ROCK2: variants seen among roughly 807,000 people sequenced by gnomAD.
The protein encoded by ROCK2 is rho-associated protein kinase 2.
A neutral mutation model predicts 195.1 loss-of-function variants in ROCK2; 61 were observed. That is an observed-to-expected ratio of 0.31 (90% confidence interval 0.25 to 0.39). ROCK2 has a LOEUF of 0.39. ROCK2 is among the 10% of genes least tolerant of loss of function. The pLI is 1.00. For synonymous variants in ROCK2, 504 were observed against 545.5 expected, an observed-to-expected ratio of 0.92 and a Z score of 1.06; for missense variants, 1,109 against 1,637.4, an observed-to-expected ratio of 0.68 and a Z score of 5.57.
chr2:11,296,778 A>G (rs1200758969), intron 1 of ROCK2, among the ~76,000 whole-genome samples: 1 of 152,180 alleles, frequency 6.6e-6, no homozygotes, highest in Admixed American at 6.6e-5. Context: ...CATTTTTGAC[A>G]TCTATGCAAT....
chr2:11,272,221 A>C (rs886879069), intron 3 of ROCK2, among the ~76,000 whole-genome samples: 1 of 152,206 alleles, frequency 6.6e-6, no homozygotes, highest in Non-Finnish European at 1.5e-5. Flanking sequence ...CTGACCTGCA[A>C]GAAATGGTCA....
intron 1 of ROCK2, among the ~76,000 whole-genome samples, chr2:11,316,193 A>G (rs1273714867): frequency 3.3e-5 from 5 of 152,170 alleles, no homozygotes; most frequent in African/African-American, 1.2e-4. Flanking sequence ...ATAAATAAAT[A>G]GATATAAATA....
intron 1 of ROCK2, among the ~76,000 whole-genome samples, chr2:11,291,406 C>T (rs1477523082): frequency 2.0e-5 from 3 of 152,144 alleles, no homozygotes; most frequent in South Asian, 4.1e-4. Context: ...AAAAATTAGC[C>T]GCGCGTGGTG....
rs1294997363 is a variant in ROCK2, at chr2:11,317,602, ATATATATATATTTTT to A, written c.141+26379_141+26393del. On this transcript the variant is annotated intron_variant, in intron 1 of 32. Transcript: ENST00000315872. ...TATATATATATATATATATATATAT[ATATATATATATTTTT>A]TTTTTTTTTTAATTATACTTTAAGT... Among the ~76,000 whole-genome samples the A allele has an allele frequency of 7.9e-4, 13 of 16,506 alleles. 1 individual carries two copies. Among genetic ancestry groups the A allele is most frequent in the African/African-American group, 2.4e-3 (13 of 5,314 alleles). The allele number at this position is 16,506 out of a possible 152,430, so 10.8% of individuals were successfully genotyped here. A position where few individuals can be genotyped will look rare whatever the true frequency, so the allele number is the denominator to read the frequency against.
intron 23 of ROCK2, among the ~76,000 whole-genome samples, chr2:11,199,615 G>C (rs1275211275): frequency 1.3e-5 from 2 of 151,924 alleles, no homozygotes; most frequent in African/African-American, 2.4e-5. Context: ...ACAGGCATGA[G>C]CCACCATGCC....
intron 1 of ROCK2, among the ~76,000 whole-genome samples, chr2:11,296,005 G>GGGGAGAGGGGGGGAGA (rs766082679): frequency 7.7e-4 from 8 of 10,334 alleles, no homozygotes; most frequent in African/African-American, 1.0e-3. Context: ...GAGAGAGAGA[G>GGGGAGAGGGGGGGAGA]GAGAGAGAGA....
chr2:11,316,886 T>C lies in ROCK2; in HGVS notation c.141+27110A>G, dbSNP rs1478578130. Among the ~76,000 whole-genome samples, 5 of 151,788 alleles carry C rather than the reference T, an allele frequency of 3.3e-5. No homozygotes were observed. In the East Asian group the frequency reaches 9.7e-4, roughly 29 times the overall value. On this transcript the variant is annotated intron_variant, in intron 1 of 32. Coordinates refer to ENST00000315872, the MANE Select transcript of ROCK2 (RefSeq NM_004850.5). ...AAATTTCTCAGTGAATTAAGAGACT[T>C]AGAATAGACTAGAAGGGTCAAATGG...
chr2:11,337,414 G>A (rs1232989862), intron 1 of ROCK2, among the ~76,000 whole-genome samples: 1 of 152,140 alleles, frequency 6.6e-6, no homozygotes, highest in Non-Finnish European at 1.5e-5. Flanking sequence ...AAAAATGGAG[G>A]TATGTTGCTT....
At chr2:11,210,412 T>C (rs74672678) in intron 18 of ROCK2, among the ~76,000 whole-genome samples, 1 of 151,994 alleles carries the variant, frequency 6.6e-6, no homozygotes, top group African/African-American at 2.4e-5. Flanking sequence ...CTTGAACTCC[T>C]GGGCTCAAGC....
chr2:11,199,197 C>T (rs561198160), intron 23 of ROCK2, among the ~76,000 whole-genome samples: 2 of 152,230 alleles, frequency 1.3e-5, no homozygotes, highest in South Asian at 2.1e-4. Flanking sequence ...AGCCAACACA[C>T]CTGGCCTGAA....
At chr2:11,271,502 G>A (rs1362981548) in intron 3 of ROCK2, among the ~76,000 whole-genome samples, 2 of 152,138 alleles carry the variant, frequency 1.3e-5, no homozygotes, top group Non-Finnish European at 2.9e-5. Flanking sequence ...CTCTAGTTTG[G>A]GGTCAGTGGT....
intron 20 of ROCK2, among the ~76,000 whole-genome samples, chr2:11,207,022 GGAA>G (rs1483762256): frequency 2.6e-5 from 4 of 152,176 alleles, no homozygotes; most frequent in African/African-American, 9.7e-5. Context: ...GTCATGATTA[GGAA>G]GAAGTAATTC....
At chr2:11,196,304 T>C (rs1663633914) in intron 27 of ROCK2, among the ~76,000 whole-genome samples, 1 of 152,212 alleles carries the variant, frequency 6.6e-6, no homozygotes, top group Non-Finnish European at 1.5e-5. Context: ...TGTCAGTAAG[T>C]ACTCAGTAAA....
At chr2:11,318,330 T>C (rs181618301) in intron 1 of ROCK2, among the ~76,000 whole-genome samples, 6,504 of 152,308 alleles carry the variant, frequency 0.043, 278 homozygotes, top group Non-Finnish European at 0.06. Context: ...TGGTATCTCA[T>C]TGTGGTTTTG....
rs189224338 is a variant in ROCK2 at position 11,340,763 on chromosome 2, T to C, written c.141+3233A>G. ...TACAAGTATAATGAAATCAATCAAA[T>C]TATTTTATGTTTTATGCCACTGAAA... On this transcript the variant is annotated intron_variant, in intron 1 of 32. Coordinates refer to ENST00000315872, the MANE Select transcript of ROCK2 (RefSeq NM_004850.5). 1.4e-4 allele frequency among the ~76,000 whole-genome samples: 22 copies of C among 152,302 alleles called. No homozygotes were observed. The East Asian group carries it at 3.3e-3, about 23-fold the overall frequency.
chr2:11,183,159 G>A lies in ROCK2; in HGVS notation c.*278C>T. On this transcript the variant is annotated 3_prime_UTR_variant, in exon 33 of 33. Coordinates refer to ENST00000315872, the MANE Select transcript of ROCK2 (RefSeq NM_004850.5). ...TCAATCCTTGTGTGCATTGTAGTGT[G>A]AGCGACTGCCGAGAGAGCTTTATGG... 3.0e-6 allele frequency: 1 copy of A among 334,084 alleles called. No individual in the cohort carries two copies. Among genetic ancestry groups the A allele is most frequent in the African/African-American group, 2.2e-5 (1 of 46,502 alleles). The allele number at this position is 334,084 out of a possible 1,614,324, so 20.7% of individuals were successfully genotyped here.
Position 11,268,488 on chromosome 2 carries a change from T to TTGTGTGTG in ROCK2, c.324+18043_324+18050dup, listed in dbSNP as rs60063109. The stretch of plus-strand genomic sequence containing the variant: ...TTACTGTGTGTGTGTGTTTTTTTCC[T>TTGTGTGTG]TGTGTGTGTGTGTGTGTATTTAACA... On this transcript the variant is annotated intron_variant, in intron 3 of 32. Transcript: ENST00000315872. 4.9e-3 allele frequency among the ~76,000 whole-genome samples: 728 copies of TTGTGTGTG among 149,752 alleles called. 8 individuals are homozygous for TTGTGTGTG. The highest frequency in any genetic ancestry group is 9.1e-3 in the South Asian group (43 of 4,748).
chr2:11,343,981 G>T lies in ROCK2; in HGVS notation c.141+15C>A. 1 of 1,585,580 alleles carries T rather than the reference G, an allele frequency of 6.3e-7. No individual in the cohort carries two copies. Among genetic ancestry groups the T allele is most frequent in the Non-Finnish European group, 8.6e-7 (1 of 1,167,310 alleles). Reference sequence around the variant, plus strand: ...TGAGCTGCAACGAGCAAGCTCCCAGGCCCCGGCCACCTACCAGCAAGCTCT... The same window carrying T: ...TGAGCTGCAACGAGCAAGCTCCCAGTCCCCGGCCACCTACCAGCAAGCTCT... On this transcript the variant is annotated intron_variant, in intron 1 of 32. Transcript: ENST00000315872.
intron 32 of ROCK2, among the ~76,000 whole-genome samples, chr2:11,184,074 A>G (rs1032880962): frequency 3.9e-5 from 6 of 152,214 alleles, no homozygotes; most frequent in Admixed American, 3.3e-4. Context: ...TATTAACCAA[A>G]CTATTTTACA....
Sources: allele counts gnomAD v4.1 joint callset (sites outside exome capture counted in the v4.1 genomes callset), GRCh38; gene constraint gnomAD v4.1.1; transcripts MANE v1.5; gene names NCBI Gene and HGNC (gene_info 2026-07-23, HGNC 2026-07-21).